Variants in FAM107B observed in about 807,000 individuals in gnomAD.
The protein encoded by FAM107B is family with sequence similarity 107 member B.
In FAM107B, 21 loss-of-function variants were observed where a neutral mutation model predicts 31.5. The ratio of observed to expected loss-of-function variants is 0.67; its 90% confidence interval spans 0.47 to 0.96. The LOEUF (loss-of-function observed/expected upper bound fraction) is 0.96, where lower values mean the gene tolerates loss of function less well. FAM107B is among the 40% of genes least tolerant of loss of function. The pLI is 0.00. For synonymous variants in FAM107B, 157 were observed against 141.5 expected (o/e 1.11, Z -0.78); for missense variants, 452 against 377.1 (o/e 1.20, Z -1.64).
At chr10:14,771,191 G>A (rs1833294285) in intron 1 of FAM107B, among the ~76,000 whole-genome samples, 2 of 152,122 alleles carry the variant, frequency 1.3e-5, no homozygotes, top group Admixed American at 1.3e-4. Flanking sequence ...CTTTTAATCA[G>A]AAGATCTCAA....
intron 3 of FAM107B, among the ~76,000 whole-genome samples, chr10:14,522,569 C>T (rs1416539389): frequency 6.6e-6 from 1 of 152,106 alleles, no homozygotes; most frequent in African/African-American, 2.4e-5. Context: ...GCGTGCACCA[C>T]CACGCCCGGC....
chr10:14,604,114 A>AACCCCCC, intron 2 of FAM107B: 1 of 340,936 alleles, frequency 2.9e-6, no homozygotes, highest in Non-Finnish European at 3.9e-6. Context: ...GCGCACGGGG[A>AACCCCCC]CCCCCCACCC....
chr10:14,721,035 C>T (rs898017514), intron 1 of FAM107B, among the ~76,000 whole-genome samples: 4 of 152,146 alleles, frequency 2.6e-5, no homozygotes, highest in South Asian at 2.1e-4. Flanking sequence ...TGACGTTCCC[C>T]GCCCCGTGTT....
At chr10:14,603,401 T>C (rs1218421538) in intron 2 of FAM107B, among the ~76,000 whole-genome samples, 1 of 152,218 alleles carries the variant, frequency 6.6e-6, no homozygotes, top group Non-Finnish European at 1.5e-5. Flanking sequence ...GCACCCATCC[T>C]ATCAAGTAAC....
chr10:14,572,449 C>T, intron 2 of FAM107B: 1 of 974,260 alleles, frequency 1.0e-6, no homozygotes, highest in Non-Finnish European at 1.2e-6. Flanking sequence ...CACCACAACA[C>T]CTACAGCATG....
At chr10:14,526,350 A>G (rs949191513) in intron 3 of FAM107B, among the ~76,000 whole-genome samples, 2 of 151,844 alleles carry the variant, frequency 1.3e-5, no homozygotes, top group African/African-American at 4.8e-5. Flanking sequence ...ATTTTTTTGT[A>G]TTTTTAGTAG....
intron 3 of FAM107B, among the ~76,000 whole-genome samples, chr10:14,522,673 C>G (rs1845789268): frequency 1.3e-5 from 2 of 151,986 alleles, no homozygotes; most frequent in Non-Finnish European, 2.9e-5. Context: ...CTCGGCCTCC[C>G]AAAGTGCTGG....
At chr10:14,537,392 C>T (rs1194035824) in intron 2 of FAM107B, among the ~76,000 whole-genome samples, 9 of 152,198 alleles carry the variant, frequency 5.9e-5, no homozygotes, top group Admixed American at 5.9e-4. Context: ...CTGACAGCTT[C>T]AAGAGCATGG....
chr10:14,532,322 T>TTC (rs777032085), intron 2 of FAM107B, among the ~76,000 whole-genome samples: 8 of 152,162 alleles, frequency 5.3e-5, no homozygotes, highest in Non-Finnish European at 1.0e-4. Flanking sequence ...CCGTGTTATG[T>TTC]TCTGTCCACC....
intron 1 of FAM107B, among the ~76,000 whole-genome samples, chr10:14,749,584 C>A (rs946624946): frequency 6.6e-6 from 1 of 152,170 alleles, no homozygotes; most frequent in East Asian, 1.9e-4. Context: ...TTACTAGAAC[C>A]AAGTCATGAC....
intron 2 of FAM107B, among the ~76,000 whole-genome samples, chr10:14,568,559 G>A (rs1184472864): frequency 1.4e-5 from 2 of 145,532 alleles, no homozygotes; most frequent in African/African-American, 5.1e-5. Context: ...AGATACTCAG[G>A]TAAGAGGAGG....
intron 2 of FAM107B, among the ~76,000 whole-genome samples, chr10:14,653,072 G>C (rs923178097): frequency 6.6e-6 from 1 of 152,154 alleles, no homozygotes; most frequent in Admixed American, 6.5e-5. Context: ...GGCAAAACTC[G>C]CAATCCCTGA....
chr10:14,630,910 G>T (rs528537908), intron 2 of FAM107B, among the ~76,000 whole-genome samples: 1 of 151,962 alleles, frequency 6.6e-6, no homozygotes, highest in South Asian at 2.1e-4. Context: ...CATCAGTAAA[G>T]GACCTTCAAA....
chr10:14,559,816 G>A (rs912937906), intron 2 of FAM107B, among the ~76,000 whole-genome samples: 3 of 150,890 alleles, frequency 2.0e-5, no homozygotes, highest in South Asian at 2.1e-4. Flanking sequence ...TGATCCGCCC[G>A]TCTTGGCCTC....
chr10:14,704,069 A>C (rs965271849), intron 1 of FAM107B, among the ~76,000 whole-genome samples: 4 of 152,208 alleles, frequency 2.6e-5, no homozygotes, highest in African/African-American at 9.7e-5. Flanking sequence ...GAGAAACAGC[A>C]ATCATGGTTC....
intron 1 of FAM107B, among the ~76,000 whole-genome samples, chr10:14,676,372 G>T (rs116611702): frequency 0.034 from 5,173 of 152,028 alleles, 283 homozygotes; most frequent in African/African-American, 0.12. Context: ...ATAAGCCATC[G>T]GTAGCCCACT....
chr10:14,661,232 C>A (rs533246180), intron 2 of FAM107B, among the ~76,000 whole-genome samples: 19 of 152,268 alleles, frequency 1.2e-4, no homozygotes, highest in African/African-American at 4.3e-4. Flanking sequence ...AATGCAAGAA[C>A]GGACTAATTT....
Position 14,521,289 on chromosome 10 carries a change from C to T in FAM107B, c.822G>A (p.Gln274=). ...QKLEQLELEK[Q]KLQEEQENAP... is the part of the protein sequence containing the mutation. The stretch of plus-strand genomic sequence containing the variant: ...CATTTTCTTGCTCTTCTTGCAATTT[C>T]TGCTTCTCAAGTTCAAGCTAAATGA... Residue 274 remains glutamine (Q), a synonymous_variant, in exon 5 of 5, where the codon CAG becomes CAA. Coordinates refer to ENST00000181796, the MANE Select transcript of FAM107B (RefSeq NM_031453.4). 6.2e-7 allele frequency: 1 copy of T among 1,614,042 alleles called. No homozygotes were observed. Among genetic ancestry groups the T allele is most frequent in the East Asian group, 2.2e-5 (1 of 44,882 alleles).
rs547668541 is a variant in FAM107B at position 14,628,545 on chromosome 10, A to T, written c.469+39089T>A. Among the ~76,000 whole-genome samples the T allele has an allele frequency of 4.9e-4, 74 of 152,312 alleles. No homozygotes were observed. In the South Asian group the frequency reaches 0.014, roughly 29 times the overall value. On this transcript the variant is annotated intron_variant, in intron 2 of 4. Coordinates refer to ENST00000181796, the MANE Select transcript of FAM107B (RefSeq NM_031453.4). ...CTTGGGAAGTATTTGTAAACTTCTT[A>T]GAAAGATAAATGAAATGAACGTGGG...
Sources: gnomAD v4.1 joint callset for allele counts (sites outside exome capture counted in the v4.1 genomes callset) on GRCh38, gnomAD v4.1.1 for gene constraint, MANE v1.5 for transcripts, NCBI Gene and HGNC (gene_info 2026-07-23, HGNC 2026-07-21) for gene names.